Variants in UNC13C observed in about 807,000 individuals in gnomAD.
UNC13C encodes the protein unc-13 homolog C, also known as protein unc-13 homolog C.
Under a neutral mutation model 245.4 loss-of-function variants are expected in UNC13C, and 174 were observed. The observed-to-expected ratio is 0.71, with a 90% CI of 0.63 to 0.80. The LOEUF (loss-of-function observed/expected upper bound fraction) is 0.80. UNC13C is among the 30% of genes least tolerant of loss of function. The probability of loss-of-function intolerance (pLI) is 0.00; values close to 1 mark genes in which losing one functional copy is unlikely to be tolerated. For synonymous variants in UNC13C, 992 were observed against 895.1 expected (o/e 1.11, Z -1.93); for missense variants, 2,829 against 2,602.9 (o/e 1.09, Z -1.89).
At chr15:54,142,987 T>C in intron 2 of UNC13C, 31 bp from the exon 3 acceptor site, 2 of 1,605,796 alleles carry the variant, frequency 1.2e-6, no homozygotes, top group South Asian at 2.2e-5. Context: ...CCATCTAACA[T>C]TTATCCCTTC....
the UNC13C span, among the ~76,000 whole-genome samples, chr15:53,935,856 G>T: frequency 6.6e-6 from 1 of 152,128 alleles, no homozygotes; most frequent in South Asian, 2.1e-4. Flanking sequence ...GGGGTTTTGG[G>T]TCCAAAGCAC....
At chr15:54,259,141 C>G (rs1057387626) in intron 8 of UNC13C, among the ~76,000 whole-genome samples, 1 of 152,214 alleles carries the variant, frequency 6.6e-6, no homozygotes, top group Non-Finnish European at 1.5e-5. Flanking sequence ...CATGATCTAG[C>G]TACTTCCCAA....
At chr15:54,321,820 A>T in intron 13 of UNC13C, 119 bp from the exon 14 acceptor site, 33 of 920,154 alleles carry the variant, frequency 3.6e-5, no homozygotes, top group Non-Finnish European at 4.5e-5. Context: ...GAGATTGTGC[A>T]GTTTTCTCTC....
intron 19 of UNC13C, among the ~76,000 whole-genome samples, chr15:54,448,627 G>A (rs1453395581): frequency 6.6e-6 from 1 of 152,016 alleles, no homozygotes; most frequent in African/African-American, 2.4e-5. Flanking sequence ...CATTTGCTTG[G>A]TAGATCTTCC....
intron 13 of UNC13C, among the ~76,000 whole-genome samples, chr15:54,319,387 G>C (rs1255820051): frequency 6.7e-6 from 1 of 150,136 alleles, no homozygotes; most frequent in Non-Finnish European, 1.5e-5. Context: ...AATATTGTTT[G>C]TGGATTCTTA....
chr15:54,220,618 TA>T (rs1016053628), intron 4 of UNC13C, among the ~76,000 whole-genome samples: 3 of 148,392 alleles, frequency 2.0e-5, no homozygotes, highest in Non-Finnish European at 3.0e-5. Flanking sequence ...TAAAAAAAAT[TA>T]AAAAAATGCA....
intron 4 of UNC13C, among the ~76,000 whole-genome samples, chr15:54,192,045 TA>T (rs2034202588): frequency 6.6e-6 from 1 of 152,160 alleles, no homozygotes; most frequent in African/African-American, 2.4e-5. Flanking sequence ...TTAGTTTAAT[TA>T]GATCCCATTT....
At chr15:54,611,250 C>CA (rs1900076168) in intron 30 of UNC13C, among the ~76,000 whole-genome samples, 1 of 152,090 alleles carries the variant, frequency 6.6e-6, no homozygotes, top group Non-Finnish European at 1.5e-5. Context: ...AATTTGTTTA[C>CA]AATTGATAGA....
chr15:54,420,527 C>G (rs1271413450), intron 19 of UNC13C, among the ~76,000 whole-genome samples: 1 of 151,776 alleles, frequency 6.6e-6, no homozygotes, highest in East Asian at 2.0e-4. Flanking sequence ...GTGATGAACT[C>G]TAAGAGTCAA....
In UNC13C at chr15:54,414,966, A is replaced by T; in HGVS notation, c.4848-16A>T. The T allele has an allele frequency of 1.2e-6, 2 of 1,604,940 alleles. No individual in the cohort carries two copies. Among genetic ancestry groups the T allele is most frequent in the Non-Finnish European group, 1.7e-6 (2 of 1,174,318 alleles). On this transcript the variant is annotated splice_polypyrimidine_tract_variant and intron_variant, in intron 18 of 32. Transcript: ENST00000260323. The stretch of plus-strand genomic sequence containing the variant: ...CTTTTCTTCTTCATACACTAATACA[A>T]TGTGTTTGGTTTTAGGTTTCCTCAA...
At chr15:54,187,318 C>G (rs958559732) in intron 4 of UNC13C, among the ~76,000 whole-genome samples, 3 of 152,116 alleles carry the variant, frequency 2.0e-5, no homozygotes, top group Admixed American at 1.3e-4. Context: ...AGATGTTCTC[C>G]ATACCATAGC....
the UNC13C span, among the ~76,000 whole-genome samples, chr15:53,885,409 C>T: frequency 9.8e-5 from 15 of 152,322 alleles, no homozygotes; most frequent in African/African-American, 3.4e-4. Context: ...GGGTTCTGTT[C>T]CATACCTGGG....
intron 29 of UNC13C, among the ~76,000 whole-genome samples, chr15:54,556,976 ACCT>A (rs1370242430): frequency 6.6e-6 from 1 of 152,004 alleles, no homozygotes; most frequent in Non-Finnish European, 1.5e-5. Flanking sequence ...GATGATCACC[ACCT>A]GCTGGCTGAG....
the UNC13C span, among the ~76,000 whole-genome samples, chr15:53,849,181 G>T: frequency 2.0e-5 from 3 of 151,784 alleles, no homozygotes; most frequent in Non-Finnish European, 4.4e-5. Flanking sequence ...GCCTTTTGAT[G>T]CATTTTGAAC....
intron 28 of UNC13C, among the ~76,000 whole-genome samples, chr15:54,554,181 C>A (rs190932730): frequency 5.9e-5 from 9 of 152,082 alleles, no homozygotes; most frequent in Admixed American, 5.3e-4. Context: ...GAGTGCCTAG[C>A]AGATAACAAC....
chr15:53,928,408 C>A, the UNC13C span, among the ~76,000 whole-genome samples: 1 of 152,286 alleles, frequency 6.6e-6, no homozygotes, highest in Non-Finnish European at 1.5e-5. Context: ...CGGTTTTCTG[C>A]CCTGGGCGAG....
intron 14 of UNC13C, among the ~76,000 whole-genome samples, chr15:54,330,599 T>G (rs147675816): frequency 2.0e-4 from 30 of 152,148 alleles, no homozygotes; most frequent in Non-Finnish European, 3.1e-4. Context: ...CGAATCACAC[T>G]CACTTTGATA....
chr15:54,232,697 A>G (rs2035585523), intron 4 of UNC13C, among the ~76,000 whole-genome samples: 1 of 152,192 alleles, frequency 6.6e-6, no homozygotes. Context: ...TTAGAAGTCA[A>G]AACATTTCAA....
chr15:54,094,862 T>C (rs1899768728), intron 2 of UNC13C, among the ~76,000 whole-genome samples: 1 of 152,220 alleles, frequency 6.6e-6, no homozygotes, highest in Admixed American at 6.5e-5. Context: ...ACAGGGGGTC[T>C]CTCACACCTG....
Sources: allele counts gnomAD v4.1 joint callset (sites outside exome capture counted in the v4.1 genomes callset), GRCh38; gene constraint gnomAD v4.1.1; transcripts MANE v1.5; gene names NCBI Gene and HGNC (gene_info 2026-07-23, HGNC 2026-07-21).